The following CCDC171 variants were observed in gnomAD, a reference collection of about 807,000 sequenced individuals.
CCDC171 encodes coiled-coil domain-containing protein 171.
A neutral mutation model predicts 168.2 loss-of-function variants in CCDC171; 177 were observed. That is an observed-to-expected ratio of 1.05 (90% CI 0.93 to 1.19). The LOEUF is 1.19. Ranked by LOEUF, CCDC171 falls within the 50% of genes most tolerant of loss-of-function variation. CCDC171 has a pLI of 0.00. For synonymous variants in CCDC171, 687 were observed against 540.8 expected (o/e 1.27, Z -3.75); for missense variants, 1,991 against 1,539.0 (o/e 1.29, Z -4.91).
chr9:15,988,910 T>A (rs1589300490), intron 3 of CCDC171, among the ~76,000 whole-genome samples: 2 of 151,654 alleles, frequency 1.3e-5, no homozygotes, highest in African/African-American at 2.4e-5. Flanking sequence ...GAGGCTCGAG[T>A]AGGTAAACAA....
chr9:15,714,394 G>A (rs1038950472), intron 11 of CCDC171, among the ~76,000 whole-genome samples: 5 of 152,112 alleles, frequency 3.3e-5, no homozygotes, highest in East Asian at 1.9e-4. Flanking sequence ...TTCCAAACTC[G>A]GAGAATAACT....
chr9:16,094,316 A>T, the CCDC171 span, among the ~76,000 whole-genome samples: 2 of 152,242 alleles, frequency 1.3e-5, no homozygotes, highest in African/African-American at 2.4e-5. Context: ...GTGAAGATGA[A>T]TAAAGAGTGG....
chr9:15,773,634 C>A (rs1382998560), intron 18 of CCDC171, among the ~76,000 whole-genome samples: 3 of 152,024 alleles, frequency 2.0e-5, no homozygotes, highest in Admixed American at 2.0e-4. Context: ...ACATGAGGAA[C>A]TTTAGTGACG....
chr9:15,756,482 C>T lies in CCDC171; in HGVS notation c.2671+10851C>T, dbSNP rs569286507. ...GTTTGGGGTACGAATGATTCTGTCA[C>T]CCAGGTAGTGAGCATAGTACCCAGT... On this transcript the variant is annotated intron_variant, in intron 18 of 25. Transcript: ENST00000380701. Among the ~76,000 whole-genome samples, 7 of 152,168 alleles carry T rather than the reference C, an allele frequency of 4.6e-5. No individual in the cohort carries two copies. In the South Asian group the frequency reaches 8.3e-4, roughly 18 times the overall value.
chr9:15,998,780 C>T (rs1223477316), intron 3 of CCDC171, among the ~76,000 whole-genome samples: 4 of 152,048 alleles, frequency 2.6e-5, no homozygotes, highest in Non-Finnish European at 5.9e-5. Flanking sequence ...AATGCAGAAA[C>T]TTTAAAGGCA....
chr9:15,974,739 T>C (rs1037854472), downstream of CCDC171, among the ~76,000 whole-genome samples: 20 of 152,202 alleles, frequency 1.3e-4, no homozygotes, highest in African/African-American at 4.8e-4. Context: ...TTAAATAGAA[T>C]GATCACTTTA....
chr9:16,017,099 G>T (rs1404236442), intron 3 of CCDC171, among the ~76,000 whole-genome samples: 1 of 152,136 alleles, frequency 6.6e-6, no homozygotes, highest in Non-Finnish European at 1.5e-5. Context: ...ATTGGTGGTG[G>T]AGTAGATTAT....
the CCDC171 span, among the ~76,000 whole-genome samples, chr9:16,080,599 A>G: frequency 5.1e-4 from 77 of 152,260 alleles, no homozygotes; most frequent in Middle Eastern, 3.4e-3. Context: ...AAAAATTCCA[A>G]TCTACTCATC....
intron 7 of CCDC171, among the ~76,000 whole-genome samples, chr9:15,625,759 C>T (rs1312775113): frequency 2.6e-5 from 4 of 152,190 alleles, no homozygotes; most frequent in African/African-American, 9.6e-5. Context: ...GTGATGCCTC[C>T]AGCTTTGTTC....
chr9:15,617,855 T>G (rs531988430), intron 6 of CCDC171, among the ~76,000 whole-genome samples: 1 of 152,272 alleles, frequency 6.6e-6, no homozygotes, highest in African/African-American at 2.4e-5. Context: ...CAGCAAAGAT[T>G]GCTGCCTGCT....
chr9:15,835,550 C>T (rs1006246461), intron 21 of CCDC171, among the ~76,000 whole-genome samples: 1 of 152,116 alleles, frequency 6.6e-6, no homozygotes, highest in African/African-American at 2.4e-5. Flanking sequence ...GCCCCAGCTT[C>T]CCAGGTAGCT....
chr9:16,026,446 T>C (rs10756734), intron 6 of CCDC171, among the ~76,000 whole-genome samples: 56,090 of 152,000 alleles, frequency 0.37, 12,233 homozygotes, highest in East Asian at 0.64. Context: ...TCAGTGTGTT[T>C]TCAAGCCACC....
chr9:15,772,566 GAGTTGCATATAAAGAA>G (rs2057070472), intron 18 of CCDC171, among the ~76,000 whole-genome samples: 1 of 152,180 alleles, frequency 6.6e-6, no homozygotes, highest in Admixed American at 6.6e-5. Context: ...CACTTAAAAG[GAGTTGCATATAAAGAA>G]AGTTGCATAT....
chr9:15,651,298 A>C (rs992937965), intron 7 of CCDC171, among the ~76,000 whole-genome samples: 1 of 151,962 alleles, frequency 6.6e-6, no homozygotes, highest in Non-Finnish European at 1.5e-5. Context: ...TAGTAGAGAC[A>C]GGGTTTTGCC....
At chr9:15,780,320 C>T (rs1316824982) in intron 20 of CCDC171, among the ~76,000 whole-genome samples, 4 of 151,942 alleles carry the variant, frequency 2.6e-5, no homozygotes, top group African/African-American at 9.7e-5. Flanking sequence ...TGAGCTGCTT[C>T]AACTTTTTTT....
intron 3 of CCDC171, among the ~76,000 whole-genome samples, chr9:15,986,303 G>A (rs1056396341): frequency 1.3e-5 from 2 of 152,230 alleles, no homozygotes; most frequent in Non-Finnish European, 2.9e-5. Flanking sequence ...ACTAGTGTCT[G>A]TGAGTTCCTG....
At position 15,751,933 on chromosome 9, in the gene CCDC171, T is replaced by G. The variant is rs561337933; in HGVS notation, c.2671+6302T>G. Among the ~76,000 whole-genome samples, 11 of 152,272 alleles carry G rather than the reference T, an allele frequency of 7.2e-5. No individual in the cohort carries two copies. In the South Asian group the frequency reaches 1.2e-3, roughly 17 times the overall value. On this transcript the variant is annotated intron_variant, in intron 18 of 25. Coordinates refer to ENST00000380701, the MANE Select transcript of CCDC171 (RefSeq NM_173550.4). ...TGGAATCTAATTAAACTGAGGAGCTTCTGCACAGCAGAAGAAACTATCATG... is the reference window on the plus strand; with the variant it reads ...TGGAATCTAATTAAACTGAGGAGCTGCTGCACAGCAGAAGAAACTATCATG...
At chr9:16,001,262 C>G (rs1430420061) in intron 3 of CCDC171, among the ~76,000 whole-genome samples, 1 of 152,048 alleles carries the variant, frequency 6.6e-6, no homozygotes, top group Non-Finnish European at 1.5e-5. Context: ...AAAAATTTAT[C>G]TGTGACCAAA....
At chr9:16,069,679 G>A in the CCDC171 span, among the ~76,000 whole-genome samples, 1 of 152,236 alleles carries the variant, frequency 6.6e-6, no homozygotes, top group Non-Finnish European at 1.5e-5. Context: ...AGGCATTTCT[G>A]CCTTGATTTT....
Sources: allele counts gnomAD v4.1 joint callset (sites outside exome capture counted in the v4.1 genomes callset), GRCh38; gene constraint gnomAD v4.1.1; transcripts MANE v1.5; gene names NCBI Gene and HGNC (gene_info 2026-07-23, HGNC 2026-07-21).